The following SGCZ variants were observed in gnomAD, a reference collection of about 807,000 sequenced individuals.
The protein encoded by SGCZ is zeta-sarcoglycan.
Under a neutral mutation model 41.3 loss-of-function variants are expected in SGCZ, and 40 were observed. That is an observed-to-expected ratio of 0.97 (90% CI 0.75 to 1.26). The LOEUF is 1.26. Ranked by LOEUF, SGCZ falls within the 50% of genes most tolerant of loss-of-function variation. SGCZ has a pLI of 0.00. For missense variants in SGCZ, 552 were observed against 369.8 expected (o/e 1.49, Z -4.04); for synonymous variants, 206 against 137.5 (o/e 1.50, Z -3.49).
chr8:14,169,227 A>G (rs931482631), intron 4 of SGCZ, among the ~76,000 whole-genome samples: 3 of 152,166 alleles, frequency 2.0e-5, no homozygotes, highest in Non-Finnish European at 4.4e-5. Context: ...CAAAATTAAA[A>G]ATAAATTTCT....
intron 1 of SGCZ, among the ~76,000 whole-genome samples, chr8:14,673,794 A>G (rs557311142): frequency 1.4e-4 from 22 of 152,324 alleles, no homozygotes; most frequent in African/African-American, 2.4e-4. Context: ...CTGATGCCCG[A>G]TGTAGATGCT....
At chr8:15,029,249 C>A (rs1430673778) in intron 1 of SGCZ, among the ~76,000 whole-genome samples, 1 of 152,012 alleles carries the variant, frequency 6.6e-6, no homozygotes, top group East Asian at 1.9e-4. Context: ...ACAACCTTGA[C>A]TTGGAAAATT....
chr8:15,134,302 G>T (rs574038040), intron 1 of SGCZ, among the ~76,000 whole-genome samples: 48 of 94,818 alleles, frequency 5.1e-4, no homozygotes, highest in African/African-American at 1.3e-3. Context: ...GGAGCATTAG[G>T]TCTTTTTTTT....
intron 1 of SGCZ, among the ~76,000 whole-genome samples, chr8:14,689,528 G>A (rs964386923): frequency 7.2e-5 from 11 of 152,024 alleles, no homozygotes; most frequent in African/African-American, 2.7e-4. Context: ...CAATATATTT[G>A]GGAATTTTTA....
intron 1 of SGCZ, among the ~76,000 whole-genome samples, chr8:15,175,858 G>T (rs1183431415): frequency 6.6e-6 from 1 of 151,988 alleles, no homozygotes; most frequent in Non-Finnish European, 1.5e-5. Flanking sequence ...CAAAACCAAA[G>T]GAAAAGAGTT....
chr8:14,240,327 C>CAAAAAAAAAAAAAAAA (rs59351247), intron 3 of SGCZ, among the ~76,000 whole-genome samples: 12 of 115,226 alleles, frequency 1.0e-4, no homozygotes, highest in South Asian at 2.8e-4. Flanking sequence ...AACTCTGTGT[C>CAAAAAAAAAAAAAAAA]AAAAAAAAAA....
chr8:15,004,926 C>CA (rs1156392462), intron 1 of SGCZ, among the ~76,000 whole-genome samples: 1 of 152,100 alleles, frequency 6.6e-6, no homozygotes, highest in African/African-American at 2.4e-5. Context: ...CCTCCACCCC[C>CA]AATTCTGAAT....
chr8:14,545,487 T>C, intron 2 of SGCZ, among the ~76,000 whole-genome samples: 1 of 152,218 alleles, frequency 6.6e-6, no homozygotes, highest in Non-Finnish European at 1.5e-5. Flanking sequence ...ATTTTAAAAC[T>C]TAAAATTCTT....
At chr8:14,869,302 G>A (rs556921431) in intron 1 of SGCZ, among the ~76,000 whole-genome samples, 29 of 152,194 alleles carry the variant, frequency 1.9e-4, no homozygotes, top group Middle Eastern at 3.4e-3. Context: ...ATCAATAAAC[G>A]TAATCCATCA....
chr8:14,649,526 G>T (rs1340759871), intron 1 of SGCZ, among the ~76,000 whole-genome samples: 1 of 151,470 alleles, frequency 6.6e-6, no homozygotes, highest in Admixed American at 6.6e-5. Context: ...AACGGAAGGA[G>T]CCTGTATCTG....
intron 1 of SGCZ, among the ~76,000 whole-genome samples, chr8:14,631,927 T>C (rs1039782012): frequency 6.6e-6 from 1 of 152,168 alleles, no homozygotes; most frequent in African/African-American, 2.4e-5. Flanking sequence ...AAACATATCT[T>C]AGTAGTAATA....
intron 3 of SGCZ, among the ~76,000 whole-genome samples, chr8:14,308,578 T>C (rs974527865): frequency 3.9e-5 from 6 of 152,068 alleles, no homozygotes; most frequent in African/African-American, 1.4e-4. Context: ...TTGTGTTTGT[T>C]TTTCTATGAT....
At position 14,848,965 on chromosome 8, in the gene SGCZ, T is replaced by C. The variant is rs558337652; in HGVS notation, c.40-294039A>G. Among the ~76,000 whole-genome samples the C allele has an allele frequency of 2.0e-5, 3 of 152,236 alleles. No individual in the cohort carries two copies. In the South Asian group the frequency reaches 6.2e-4, roughly 32 times the overall value. ...ATTTCTATCAAAATATGTAAAGAGC[T>C]GTCAAAACACAATAATAAGAAAGCC... On this transcript the variant is annotated intron_variant, in intron 1 of 7. Transcript: ENST00000382080.
At chr8:14,482,120 A>G (rs1330361033) in intron 2 of SGCZ, among the ~76,000 whole-genome samples, 1 of 152,158 alleles carries the variant, frequency 6.6e-6, no homozygotes, top group Non-Finnish European at 1.5e-5. Flanking sequence ...AAATCAACAT[A>G]GTTTTCCCCT....
chr8:14,488,115 G>C (rs1009553902), intron 2 of SGCZ, among the ~76,000 whole-genome samples: 2 of 125,140 alleles, frequency 1.6e-5, no homozygotes, highest in East Asian at 4.7e-4. Context: ...TCCCTGACAC[G>C]AAAAGAGTTC....
At chr8:14,213,533 G>T (rs183077112) in intron 4 of SGCZ, among the ~76,000 whole-genome samples, 1 of 151,808 alleles carries the variant, frequency 6.6e-6, no homozygotes, top group Admixed American at 6.6e-5. Flanking sequence ...AGTAGATCTC[G>T]CCTTAAAGCA....
intron 1 of SGCZ, among the ~76,000 whole-genome samples, chr8:14,789,104 T>C (rs903490543): frequency 6.6e-6 from 1 of 152,122 alleles, no homozygotes; most frequent in Non-Finnish European, 1.5e-5. Flanking sequence ...ATCTAACACA[T>C]GCACTCTCTT....
At chr8:14,411,840 A>G (rs529102412) in intron 2 of SGCZ, among the ~76,000 whole-genome samples, 1 of 152,264 alleles carries the variant, frequency 6.6e-6, no homozygotes, top group East Asian at 1.9e-4. Context: ...CAGTACAGTA[A>G]AAAACACTTC....
chr8:14,674,757 T>C (rs1441748622), intron 1 of SGCZ, among the ~76,000 whole-genome samples: 2 of 151,510 alleles, frequency 1.3e-5, no homozygotes, highest in Non-Finnish European at 1.5e-5. Context: ...GATCTGATCA[T>C]TTAAAAGTGT....
Sources: allele counts gnomAD v4.1 joint callset (sites outside exome capture counted in the v4.1 genomes callset), GRCh38; gene constraint gnomAD v4.1.1; transcripts MANE v1.5; gene names NCBI Gene and HGNC (gene_info 2026-07-23, HGNC 2026-07-21).